POLR3B: variants seen among roughly 807,000 people sequenced by gnomAD.
POLR3B encodes RNA polymerase III subunit B.
POLR3B carries 96 observed loss-of-function variants against 147.4 expected under a neutral mutation model. That is an observed-to-expected ratio of 0.65 (90% CI 0.55 to 0.77). The LOEUF (loss-of-function observed/expected upper bound fraction) is 0.77, where lower values mean the gene tolerates loss of function less well. Ranked by LOEUF, POLR3B falls within the 30% of genes least tolerant of loss-of-function variation. The probability of loss-of-function intolerance (pLI) is 0.00; values close to 1 mark genes in which losing one functional copy is unlikely to be tolerated. For synonymous variants in POLR3B, 461 were observed against 485.9 expected (o/e 0.95, Z 0.67); for missense variants, 1,036 against 1,413.5 (o/e 0.73, Z 4.28).
intron 23 of POLR3B, among the ~76,000 whole-genome samples, chr12:106,476,069 C>CA (rs1227307606): frequency 6.7e-6 from 1 of 148,216 alleles, no homozygotes; most frequent in African/African-American, 2.5e-5. Flanking sequence ...CTGGTGGTGA[C>CA]AAAATCTCTC....
intron 13 of POLR3B, among the ~76,000 whole-genome samples, chr12:106,429,670 A>C (rs902379078): frequency 3.9e-5 from 6 of 152,184 alleles, no homozygotes; most frequent in African/African-American, 1.4e-4. Flanking sequence ...ATAATGACAC[A>C]GTGGCCACAG....
intron 23 of POLR3B, among the ~76,000 whole-genome samples, chr12:106,470,705 G>A (rs1391177276): frequency 1.3e-5 from 2 of 152,146 alleles, no homozygotes; most frequent in Non-Finnish European, 1.5e-5. Flanking sequence ...CATTCTAACA[G>A]ACAGGCCTGT....
intron 19 of POLR3B, among the ~76,000 whole-genome samples, chr12:106,446,834 A>G (rs950613771): frequency 6.6e-6 from 1 of 152,266 alleles, no homozygotes; most frequent in Admixed American, 6.5e-5. Context: ...TAGAGTTGGC[A>G]TATAATGCAG....
At chr12:106,503,920 CAAAT>C (rs1010504181) in intron 26 of POLR3B, among the ~76,000 whole-genome samples, 157 bp from the exon 27 acceptor site, 3 of 152,352 alleles carry the variant, frequency 2.0e-5, no homozygotes, top group African/African-American at 7.2e-5. Context: ...TGCACTTTTA[CAAAT>C]GAGGCTAAGC....
chr12:106,390,717 AG>A (rs1372586556), intron 9 of POLR3B, among the ~76,000 whole-genome samples: 1 of 151,696 alleles, frequency 6.6e-6, no homozygotes, highest in African/African-American at 2.4e-5. Flanking sequence ...AAAAAAAAAA[AG>A]AACAAAATAA....
intron 10 of POLR3B, among the ~76,000 whole-genome samples, chr12:106,404,536 T>C (rs1348608062): frequency 6.6e-6 from 1 of 152,284 alleles, no homozygotes; most frequent in East Asian, 1.9e-4. Context: ...TGAGCCCTTA[T>C]GTGTTTATTG....
intron 23 of POLR3B, among the ~76,000 whole-genome samples, chr12:106,466,482 C>G (rs576265773): frequency 2.2e-4 from 33 of 152,254 alleles, no homozygotes; most frequent in Admixed American, 1.2e-3. Flanking sequence ...TCAATTTTGG[C>G]TTTTGTTGCC....
chr12:106,508,135 T>C (rs575341421), intron 27 of POLR3B, among the ~76,000 whole-genome samples: 3 of 152,336 alleles, frequency 2.0e-5, no homozygotes, highest in South Asian at 4.1e-4. Flanking sequence ...TCCATTTCAA[T>C]AAATGTGTGT....
chr12:106,505,957 T>C (rs932120048), intron 27 of POLR3B, among the ~76,000 whole-genome samples: 6 of 152,216 alleles, frequency 3.9e-5, no homozygotes, highest in Admixed American at 1.3e-4. Context: ...GGCCAGTTAT[T>C]TCATGATTTT....
intron 9 of POLR3B, among the ~76,000 whole-genome samples, chr12:106,381,786 A>G (rs1228036449): frequency 6.6e-6 from 1 of 152,250 alleles, no homozygotes; most frequent in East Asian, 1.9e-4. Context: ...TAAAGAAACA[A>G]AAGAATGGCT....
intron 19 of POLR3B, among the ~76,000 whole-genome samples, chr12:106,453,184 G>A (rs946045308): frequency 6.6e-6 from 1 of 151,454 alleles, no homozygotes; most frequent in East Asian, 1.9e-4. Flanking sequence ...GTTAATTTTT[G>A]CATTTTTAGT....
At chr12:106,494,858 G>T (rs1396403013) in intron 23 of POLR3B, among the ~76,000 whole-genome samples, 1 of 152,092 alleles carries the variant, frequency 6.6e-6, no homozygotes, top group Non-Finnish European at 1.5e-5. Context: ...CCATATTGTT[G>T]TCAGCTACAA....
At chr12:106,478,427 G>C (rs1278063735) in intron 23 of POLR3B, among the ~76,000 whole-genome samples, 1 of 152,158 alleles carries the variant, frequency 6.6e-6, no homozygotes, top group Non-Finnish European at 1.5e-5. Flanking sequence ...GCTTTGACTT[G>C]TACGTCTCTT....
chr12:106,428,905 A>G (rs1306082023), intron 13 of POLR3B, among the ~76,000 whole-genome samples: 1 of 152,170 alleles, frequency 6.6e-6, no homozygotes, highest in African/African-American at 2.4e-5. Flanking sequence ...AGCTCCCCCA[A>G]AGTTACATAT....
intron 23 of POLR3B, among the ~76,000 whole-genome samples, chr12:106,488,065 A>G (rs550898084): frequency 5.1e-4 from 77 of 152,322 alleles, no homozygotes; most frequent in African/African-American, 1.7e-3. Flanking sequence ...AGTAATGAGG[A>G]ACCATGTTTT....
At chr12:106,490,847 A>G (rs758150184) in intron 23 of POLR3B, among the ~76,000 whole-genome samples, 35 of 152,198 alleles carry the variant, frequency 2.3e-4, no homozygotes, top group Non-Finnish European at 4.9e-4. Context: ...AAGCATTCCT[A>G]CTGCTTCTTT....
At chr12:106,438,958 G>A (rs2037614887) in intron 18 of POLR3B, among the ~76,000 whole-genome samples, 1 of 152,192 alleles carries the variant, frequency 6.6e-6, no homozygotes, top group African/African-American at 2.4e-5. Flanking sequence ...GAACATCTAT[G>A]TAACTTGCTG....
chr12:106,464,098 G>A (rs2037974977), intron 23 of POLR3B, among the ~76,000 whole-genome samples: 1 of 152,158 alleles, frequency 6.6e-6, no homozygotes, highest in African/African-American at 2.4e-5. Flanking sequence ...AGGATACACA[G>A]CTACTTGGTT....
intron 13 of POLR3B, among the ~76,000 whole-genome samples, chr12:106,429,684 A>T (rs993446657): frequency 6.6e-6 from 1 of 152,158 alleles, no homozygotes; most frequent in Non-Finnish European, 1.5e-5. Flanking sequence ...GCCACAGAGA[A>T]TATATGTTTC....
Sources: gnomAD v4.1 joint callset for allele counts (sites outside exome capture counted in the v4.1 genomes callset) on GRCh38, gnomAD v4.1.1 for gene constraint, MANE v1.5 for transcripts, NCBI Gene and HGNC (gene_info 2026-07-23, HGNC 2026-07-21) for gene names.